HMGB1: variants seen among roughly 807,000 people sequenced by gnomAD.
HMGB1 encodes high mobility group box 1.
For missense variants in HMGB1, 79 were observed against 253.5 expected, an observed-to-expected ratio of 0.31 and a Z score of 4.67; for synonymous variants, 81 against 84.0, an observed-to-expected ratio of 0.96 and a Z score of 0.19.
chr13:30,520,908 T>C (rs1888223100), intron 1 of HMGB1, among the ~76,000 whole-genome samples: 1 of 152,174 alleles, frequency 6.6e-6, no homozygotes, highest in Admixed American at 6.5e-5. Context: ...TCTTTTCCCA[T>C]AAACATTTGG....
At chr13:30,461,742 G>T in intron 4 of HMGB1, 11 of 1,302,240 alleles carry the variant, frequency 8.4e-6, no homozygotes, top group Non-Finnish European at 8.6e-6. Flanking sequence ...TATAACTCAT[G>T]AAATGGCATA....
At chr13:30,546,992 T>C (rs1227376471) in intron 1 of HMGB1, among the ~76,000 whole-genome samples, 1 of 152,206 alleles carries the variant, frequency 6.6e-6, no homozygotes. Flanking sequence ...ACATTCTTTA[T>C]CCCTATCCTA....
intron 1 of HMGB1, among the ~76,000 whole-genome samples, chr13:30,492,861 T>C (rs965056042): frequency 6.6e-6 from 1 of 151,610 alleles, no homozygotes; most frequent in African/African-American, 2.4e-5. Flanking sequence ...CGTGGTAGCG[T>C]GGGCCTGTAG....
chr13:30,498,525 A>G (rs1272344225), intron 1 of HMGB1, among the ~76,000 whole-genome samples: 1 of 152,016 alleles, frequency 6.6e-6, no homozygotes, highest in Middle Eastern at 3.4e-3. Context: ...CACTCACTCT[A>G]TCCCTTTATG....
At chr13:30,471,529 A>C (rs1450527018) in intron 1 of HMGB1, among the ~76,000 whole-genome samples, 1 of 141,350 alleles carries the variant, frequency 7.1e-6, no homozygotes, top group East Asian at 2.1e-4. Context: ...TTTTTTTTGT[A>C]TTTTTAGTAG....
chr13:30,539,305 T>G (rs1467554443), intron 1 of HMGB1, among the ~76,000 whole-genome samples: 1 of 152,204 alleles, frequency 6.6e-6, no homozygotes, highest in Non-Finnish European at 1.5e-5. Flanking sequence ...GGCATTCCAA[T>G]TCACCCAGCC....
chr13:30,488,249 T>G (rs1887406259), intron 1 of HMGB1, among the ~76,000 whole-genome samples: 1 of 152,168 alleles, frequency 6.6e-6, no homozygotes, highest in African/African-American at 2.4e-5. Context: ...ACCAGTAAAC[T>G]TCAAATAATA....
Position 30,492,538 on chromosome 13 carries a change from C to T in HMGB1, c.-14-28844G>A, listed in dbSNP as rs149822260. ...AAAGATGCTCAATATTGTTAGTTAT[C>T]TGGAAAACACAAATTAAAACCACAG... On this transcript the variant is annotated intron_variant, in intron 1 of 4. Transcript: ENST00000405805. Among the ~76,000 whole-genome samples the T allele has an allele frequency of 2.9e-3, 440 of 152,122 alleles. 5 individuals carry two copies. The highest frequency in any genetic ancestry group is 9.8e-3 in the African/African-American group (406 of 41,492).
rs561222265 is a variant in HMGB1 at position 30,526,706 on chromosome 13, C to T, written c.-14-63012G>A. Among the ~76,000 whole-genome samples the T allele has an allele frequency of 9.2e-5, 14 of 152,304 alleles. No homozygotes were observed. The East Asian group carries it at 1.2e-3, about 13-fold the overall frequency. On this transcript the variant is annotated intron_variant, in intron 1 of 4. Transcript: ENST00000405805. ...TGGGGAGACAGCAAGCCTGCCACCACGAGCCCTAGCTCCACCATCACTAAA... is the reference window on the plus strand; with the variant it reads ...TGGGGAGACAGCAAGCCTGCCACCATGAGCCCTAGCTCCACCATCACTAAA...
chr13:30,464,808 C>CGAGGGT (rs1465199929), intron 1 of HMGB1: 2 of 158,058 alleles, frequency 1.3e-5, no homozygotes, highest in African/African-American at 5.3e-5. Context: ...TGTGTGAGTG[C>CGAGGGT]GAGGGTGCGG....
intron 1 of HMGB1, among the ~76,000 whole-genome samples, chr13:30,528,852 C>T (rs1297761998): frequency 6.6e-6 from 1 of 151,838 alleles, no homozygotes; most frequent in African/African-American, 2.4e-5. Context: ...CACGGTGAAA[C>T]CCCGTCTCTA....
At chr13:30,463,465 T>G in intron 2 of HMGB1, 66 bp downstream of exon 2, 1 of 1,561,088 alleles carries the variant, frequency 6.4e-7, no homozygotes, top group South Asian at 1.2e-5. Flanking sequence ...AACTAGGCTT[T>G]TTTTTGCATC....
At chr13:30,526,346 T>A (rs540678408) in intron 1 of HMGB1, among the ~76,000 whole-genome samples, 24 of 152,362 alleles carry the variant, frequency 1.6e-4, no homozygotes, top group African/African-American at 5.5e-4. Context: ...CGCAAGCCAC[T>A]ACGCCTGGCC....
intron 1 of HMGB1, among the ~76,000 whole-genome samples, chr13:30,499,239 C>T (rs1225702116): frequency 6.6e-6 from 1 of 152,144 alleles, no homozygotes; most frequent in African/African-American, 2.4e-5. Flanking sequence ...CTCACACTTA[C>T]AGGTGTGAGC....
At chr13:30,535,209 C>A (rs1316141730) in intron 1 of HMGB1, among the ~76,000 whole-genome samples, 1 of 152,250 alleles carries the variant, frequency 6.6e-6, no homozygotes, top group East Asian at 1.9e-4. Flanking sequence ...AGCCAGCCAG[C>A]AGCACTTGAT....
At chr13:30,513,871 C>T (rs1314400708) in intron 1 of HMGB1, among the ~76,000 whole-genome samples, 1 of 152,164 alleles carries the variant, frequency 6.6e-6, no homozygotes, top group Non-Finnish European at 1.5e-5. Flanking sequence ...AACATTCAAA[C>T]CATAGCAATA....
chr13:30,524,134 A>G (rs1388584184), intron 1 of HMGB1, among the ~76,000 whole-genome samples: 1 of 152,024 alleles, frequency 6.6e-6, no homozygotes, highest in African/African-American at 2.4e-5. Flanking sequence ...GGGGAGTTGA[A>G]CAATGAGAAC....
In HMGB1 at chr13:30,594,138, G is replaced by A. The variant is rs144392104; in HGVS notation, c.-15+22533C>T. Among the ~76,000 whole-genome samples the A allele has an allele frequency of 7.2e-4, 110 of 152,272 alleles. No individual in the cohort carries two copies. In the East Asian group the frequency reaches 0.019, roughly 26 times the overall value. The stretch of plus-strand genomic sequence containing the variant: ...CGTATCTACACACACGTGTATTAGC[G>A]GAAGAGAGCAAGGCACACATGTGCA... On this transcript the variant is annotated intron_variant, in intron 1 of 4. Transcript: ENST00000405805.
chr13:30,458,320 G>C lies in HMGB1; in HGVS notation c.*3037C>G, dbSNP rs7993324. ...CATGTATTTCATTCAAAAACCAGTT[G>C]TCTCTCCTGTGTTTTTTTTTTTTTT... On this transcript the variant is annotated 3_prime_UTR_variant, in exon 5 of 5. Coordinates refer to ENST00000341423, the MANE Select transcript of HMGB1 (RefSeq NM_002128.7). 1.6e-4 allele frequency: 22 copies of C among 139,262 alleles called. No homozygotes were observed. The highest frequency in any genetic ancestry group is 5.5e-4 in the African/African-American group (21 of 37,892). 8.6% of individuals were successfully genotyped at this position (139,262 alleles called of 1,614,324 possible). A position where few individuals can be genotyped will look rare whatever the true frequency, so the allele number is the denominator to read the frequency against.
Sources: gnomAD v4.1 joint callset for allele counts (sites outside exome capture counted in the v4.1 genomes callset) on GRCh38, gnomAD v4.1.1 for gene constraint, MANE v1.5 for transcripts, NCBI Gene and HGNC (gene_info 2026-07-23, HGNC 2026-07-21) for gene names.